Variants in CD96 observed in about 807,000 individuals in gnomAD.
The protein encoded by CD96 is CD96 molecule.
In CD96, 70 loss-of-function variants were observed where a neutral mutation model predicts 71.3. That is an observed-to-expected ratio of 0.98 (90% CI 0.81 to 1.20). The LOEUF (loss-of-function observed/expected upper bound fraction) is 1.20. CD96 is among the 50% of genes most tolerant of loss of function. The pLI is 0.00. For missense variants in CD96, 742 were observed against 677.5 expected (o/e 1.10, Z -1.06); for synonymous variants, 248 against 233.0 (o/e 1.06, Z -0.59).
chr3:111,579,934 T>C (rs1936392171), intron 4 of CD96, among the ~76,000 whole-genome samples: 1 of 152,208 alleles, frequency 6.6e-6, no homozygotes, highest in Non-Finnish European at 1.5e-5. Flanking sequence ...TTATTTACAA[T>C]GTTAATATTT....
rs1940070742 is a variant in CD96, at chr3:111,651,425, G to A, written c.*1619G>A. The A allele has an allele frequency of 6.6e-6, 1 of 152,224 alleles. No individual in the cohort carries two copies. The highest frequency in any genetic ancestry group is 6.5e-5 in the Admixed American group (1 of 15,286). 9.4% of individuals were successfully genotyped at this position (152,224 alleles called of 1,614,324 possible). A position where few individuals can be genotyped will look rare whatever the true frequency, so the allele number is the denominator to read the frequency against. ...CATGCACTTGCACAATGTTGAGAAT[G>A]AGTACCACTCTCACCATTGGTATAG... On this transcript the variant is annotated 3_prime_UTR_variant, in exon 14 of 14. Coordinates refer to ENST00000352690, the MANE Select transcript of CD96 (RefSeq NM_005816.5).
chr3:111,614,636 A>G (rs775287491), intron 8 of CD96, among the ~76,000 whole-genome samples: 4 of 151,882 alleles, frequency 2.6e-5, no homozygotes, highest in Non-Finnish European at 5.9e-5. Flanking sequence ...TTTTCATGGC[A>G]CCCTATTATG....
chr3:111,558,907 G>A (rs1339839104), intron 2 of CD96, among the ~76,000 whole-genome samples: 1 of 152,046 alleles, frequency 6.6e-6, no homozygotes, highest in East Asian at 1.9e-4. Context: ...TCTATTCAGA[G>A]ATGCAACTTC....
In CD96 at chr3:111,651,731, A is replaced by C. The variant is rs1940088462; in HGVS notation, c.*1925A>C. 1 of 151,992 alleles carries C rather than the reference A, an allele frequency of 6.6e-6. No homozygotes were observed. The highest frequency in any genetic ancestry group is 2.1e-4 in the South Asian group (1 of 4,806). The allele number at this position is 151,992 out of a possible 1,614,324, so 9.4% of individuals were successfully genotyped here. A position where few individuals can be genotyped will look rare whatever the true frequency, so the allele number is the denominator to read the frequency against. On this transcript the variant is annotated 3_prime_UTR_variant, in exon 14 of 14. Coordinates refer to ENST00000352690, the MANE Select transcript of CD96 (RefSeq NM_005816.5). ...CCCCGTCTCTACTAAAAATACAAAA[A>C]ATTAGCCGGGTGTGGTGTCGGGCAC... is the stretch of plus-strand genomic sequence containing the variant.
In CD96 at chr3:111,651,895, AAAAAGAAAG is replaced by A. The variant is rs1399810327; in HGVS notation, c.*2093_*2101del. 213 of 151,322 alleles carry A rather than the reference AAAAAGAAAG, an allele frequency of 1.4e-3. No individual in the cohort carries two copies. The highest frequency in any genetic ancestry group is 5.1e-3 in the African/African-American group (209 of 41,298). 9.4% of individuals were successfully genotyped at this position (151,322 alleles called of 1,614,324 possible). ...CGAGACTCCGCCTCAAAAAAAAAAA[AAAAAGAAAG>A]AAAGAAAGAAAGAAAGAAATCTACC... On this transcript the variant is annotated 3_prime_UTR_variant, in exon 14 of 14. Coordinates refer to ENST00000352690, the MANE Select transcript of CD96 (RefSeq NM_005816.5).
At chr3:111,617,546 T>A (rs539793001) in intron 8 of CD96, among the ~76,000 whole-genome samples, 1 of 152,218 alleles carries the variant, frequency 6.6e-6, no homozygotes, top group South Asian at 2.1e-4. Flanking sequence ...CCAGACAACT[T>A]GCCTGCAGAA....
Position 111,579,131 on chromosome 3 carries a change from C to A in CD96, c.648C>A (p.His216Gln). 6.3e-7 allele frequency: 1 copy of A among 1,595,966 alleles called. No homozygotes were observed. The highest frequency in any genetic ancestry group is 8.6e-7 in the Non-Finnish European group (1 of 1,163,416). The part of the protein sequence containing the change: ...RVKLGTDYRL[H>Q]LSPVQIFDDG... ...AGCTTGGTACAGACTACAGACTCCA[C>A]CTCTCTCCAGTCCAAATCTTCGATG... The change falls in exon 4 of 14, where the codon CAC becomes CAA. Residue 216 changes from histidine to glutamine, a missense_variant. His to Gln is a conservative substitution (Grantham distance 24). Transcript: ENST00000352690.
chr3:111,617,540 A>T (rs1332644877), intron 8 of CD96, among the ~76,000 whole-genome samples: 1 of 152,146 alleles, frequency 6.6e-6, no homozygotes, highest in Non-Finnish European at 1.5e-5. Flanking sequence ...CCTCATCCAG[A>T]CAACTTGCCT....
intron 5 of CD96, chr3:111,593,255 G>T: frequency 3.3e-6 from 1 of 301,804 alleles, no homozygotes; most frequent in Non-Finnish European, 6.1e-6. Context: ...ACGCTGACTG[G>T]CTGGTACATT....
At chr3:111,587,714 T>C (rs1240865511) in intron 5 of CD96, among the ~76,000 whole-genome samples, 1 of 152,204 alleles carries the variant, frequency 6.6e-6, no homozygotes, top group Non-Finnish European at 1.5e-5. Flanking sequence ...TTCTGAAATG[T>C]AGGCAGAGGT....
intron 10 of CD96, among the ~76,000 whole-genome samples, chr3:111,626,948 C>G (rs1360580136): frequency 6.6e-6 from 1 of 152,062 alleles, no homozygotes; most frequent in Non-Finnish European, 1.5e-5. Context: ...TAATTATAAA[C>G]ATTCAGGACA....
At chr3:111,659,264 C>T (rs548857932) in intron 14 of CD96, among the ~76,000 whole-genome samples, 1 of 152,092 alleles carries the variant, frequency 6.6e-6, no homozygotes, top group East Asian at 1.9e-4. Flanking sequence ...CTTCTCTTTC[C>T]TTTTCTTTGT....
intron 8 of CD96, among the ~76,000 whole-genome samples, chr3:111,616,265 G>C (rs1938231722): frequency 6.6e-6 from 1 of 152,106 alleles, no homozygotes; most frequent in Admixed American, 6.5e-5. Flanking sequence ...AATAAGTATT[G>C]ATAATTCAGT....
At chr3:111,553,276 G>A (rs372425876) in intron 2 of CD96, among the ~76,000 whole-genome samples, 3 of 151,200 alleles carry the variant, frequency 2.0e-5, no homozygotes, top group South Asian at 2.1e-4. Flanking sequence ...TTTCCTTTGC[G>A]ATATATTTGT....
rs370110183 is a variant in CD96, at chr3:111,623,866, A to G, written c.1249+44A>G. On this transcript the variant is annotated intron_variant, in intron 9 of 13. Transcript: ENST00000352690. ...TCCTACATGATTGGAAAGAGACAAC[A>G]CACTCACAAGTTTTACTACTGCTTC... 3 of 1,249,064 alleles carry G rather than the reference A, an allele frequency of 2.4e-6. No individual in the cohort carries two copies. The African/African-American group carries it at 4.4e-5, about 18-fold the overall frequency. 77.4% of individuals were successfully genotyped at this position (1,249,064 alleles called of 1,614,324 possible).
rs539425065 is a variant in CD96 at position 111,624,570 on chromosome 3, G to A, written c.1321+166G>A. 2.6e-5 allele frequency among the ~76,000 whole-genome samples: 4 copies of A among 152,266 alleles called. No individual in the cohort carries two copies. In the South Asian group the frequency reaches 8.3e-4, roughly 32 times the overall value. ...TGTAGATTCTGAGACTACACCCATG[G>A]ACAAAAGAGATCTAAGCTCCAAATT... On this transcript the variant is annotated intron_variant, in intron 10 of 13. Coordinates refer to ENST00000352690, the MANE Select transcript of CD96 (RefSeq NM_005816.5).
intron 6 of CD96, 89 bp from the exon 7 acceptor site, chr3:111,600,637 C>T (rs1937449439): frequency 1.0e-6 from 1 of 996,976 alleles, no homozygotes; most frequent in South Asian, 1.3e-5. Flanking sequence ...CTCTACATTA[C>T]CACAAATTGA....
intron 2 of CD96, among the ~76,000 whole-genome samples, chr3:111,564,234 C>T (rs1212814130): frequency 2.0e-5 from 3 of 151,630 alleles, no homozygotes; most frequent in African/African-American, 7.3e-5. Context: ...TGTTCCATTG[C>T]TTTCATCTTT....
At chr3:111,553,365 T>C (rs1934818565) in intron 2 of CD96, among the ~76,000 whole-genome samples, 1 of 151,804 alleles carries the variant, frequency 6.6e-6, no homozygotes, top group Non-Finnish European at 1.5e-5. Flanking sequence ...ACCTTATAGT[T>C]AGACTTATAA....
Sources: gnomAD v4.1 joint callset for allele counts (sites outside exome capture counted in the v4.1 genomes callset) on GRCh38, gnomAD v4.1.1 for gene constraint, MANE v1.5 for transcripts, NCBI Gene and HGNC (gene_info 2026-07-23, HGNC 2026-07-21) for gene names.